DLG2: variants seen among roughly 807,000 people sequenced by gnomAD.
DLG2 encodes discs large MAGUK scaffold protein 2, also known as disks large homolog 2.
Under a neutral mutation model 132.5 loss-of-function variants are expected in DLG2, and 45 were observed. The ratio of observed to expected loss-of-function variants is 0.34; its 90% CI spans 0.27 to 0.44. DLG2 has a LOEUF of 0.44. Ranked by LOEUF, DLG2 falls within the 20% of genes least tolerant of loss-of-function variation. The pLI is 1.00. For synonymous variants in DLG2, 424 were observed against 419.6 expected, an observed-to-expected ratio of 1.01 and a Z score of -0.13; for missense variants, 1,045 against 1,196.9, an observed-to-expected ratio of 0.87 and a Z score of 1.87.
At chr11:85,593,801 GT>G (rs990487589) in intron 3 of DLG2, among the ~76,000 whole-genome samples, 3 of 151,594 alleles carry the variant, frequency 2.0e-5, no homozygotes, top group Non-Finnish European at 2.9e-5. Flanking sequence ...AATATGTAGG[GT>G]TTTTTTTACT....
intron 3 of DLG2, among the ~76,000 whole-genome samples, chr11:85,288,300 GTA>G (rs1354542364): frequency 1.3e-5 from 2 of 151,992 alleles, no homozygotes; most frequent in Non-Finnish European, 2.9e-5. Context: ...TAGCAATAAA[GTA>G]ACTGTGAGGT....
rs138811638 is a variant in DLG2, at chr11:83,856,236, G to C, written c.1565+18184C>G. ...CATTTTCTTTATCCAGTCTATCATT[G>C]ATGGGCATTTAGGTTGATTCCATGT... is the stretch of plus-strand genomic sequence containing the variant. On this transcript the variant is annotated intron_variant, in intron 16 of 27. Transcript: ENST00000376104. 2.8e-3 allele frequency among the ~76,000 whole-genome samples: 429 copies of C among 152,090 alleles called. 5 individuals carry two copies. Among genetic ancestry groups the C allele is most frequent in the African/African-American group, 1.0e-2 (413 of 41,472 alleles).
intron 7 of DLG2, among the ~76,000 whole-genome samples, chr11:84,339,450 C>T (rs1216304067): frequency 6.6e-6 from 1 of 152,150 alleles, no homozygotes; most frequent in East Asian, 1.9e-4. Context: ...GGATATTCAA[C>T]AAATGCTTAT....
At chr11:85,147,084 C>T (rs930424551) in intron 5 of DLG2, among the ~76,000 whole-genome samples, 2 of 152,178 alleles carry the variant, frequency 1.3e-5, no homozygotes, top group Non-Finnish European at 2.9e-5. Flanking sequence ...TACATGCCAT[C>T]GGTTGGGGAA....
intron 6 of DLG2, among the ~76,000 whole-genome samples, chr11:84,924,783 G>A (rs909747194): frequency 2.0e-5 from 3 of 152,040 alleles, no homozygotes; most frequent in East Asian, 1.9e-4. Context: ...TTCCAGTTCC[G>A]TCTGTCTTAG....
At chr11:83,670,547 T>G (rs2076662283) in intron 18 of DLG2, among the ~76,000 whole-genome samples, 2 of 152,190 alleles carry the variant, frequency 1.3e-5, no homozygotes, top group East Asian at 1.9e-4. Context: ...CAAGCACATA[T>G]TCATGAAATT....
chr11:83,811,665 G>A (rs1340038372), intron 17 of DLG2, among the ~76,000 whole-genome samples: 1 of 152,066 alleles, frequency 6.6e-6, no homozygotes, highest in African/African-American at 2.4e-5. Context: ...TTAAATTTGA[G>A]TTAAATGTTG....
At chr11:85,264,125 C>T (rs2077084259) in intron 4 of DLG2, among the ~76,000 whole-genome samples, 1 of 152,078 alleles carries the variant, frequency 6.6e-6, no homozygotes, top group Admixed American at 6.6e-5. Flanking sequence ...AATTGTTCTC[C>T]CCCACCTGCT....
chr11:83,563,509 C>T (rs542124237), intron 19 of DLG2, among the ~76,000 whole-genome samples: 23 of 152,280 alleles, frequency 1.5e-4, no homozygotes, highest in African/African-American at 5.5e-4. Context: ...CTAAAAGTTG[C>T]AGAAGTAAAT....
At chr11:84,710,934 T>A (rs913584131) in intron 6 of DLG2, among the ~76,000 whole-genome samples, 1 of 150,102 alleles carries the variant, frequency 6.7e-6, no homozygotes, top group Non-Finnish European at 1.5e-5. Flanking sequence ...ATGGAAAAAA[T>A]ATTACTGTGT....
intron 20 of DLG2, among the ~76,000 whole-genome samples, chr11:83,538,558 G>C (rs1440113980): frequency 6.6e-6 from 1 of 152,170 alleles, no homozygotes; most frequent in Non-Finnish European, 1.5e-5. Flanking sequence ...TGCTATCAAA[G>C]AGACTGGTGT....
At chr11:84,982,413 A>G (rs983307375) in intron 6 of DLG2, among the ~76,000 whole-genome samples, 1 of 151,944 alleles carries the variant, frequency 6.6e-6, no homozygotes, top group African/African-American at 2.4e-5. Context: ...TAAACCAAAA[A>G]CCTATGAGTC....
At chr11:83,613,109 G>A (rs1356744384) in intron 19 of DLG2, among the ~76,000 whole-genome samples, 1 of 152,192 alleles carries the variant, frequency 6.6e-6, no homozygotes, top group African/African-American at 2.4e-5. Context: ...CCTAAGTCAG[G>A]GGAGTGGCAT....
intron 11 of DLG2, among the ~76,000 whole-genome samples, chr11:84,051,538 A>G (rs1400823446): frequency 2.7e-5 from 4 of 148,318 alleles, no homozygotes; most frequent in Non-Finnish European, 5.9e-5. Flanking sequence ...AATACCAAAC[A>G]CTGCATGTTC....
intron 6 of DLG2, among the ~76,000 whole-genome samples, chr11:84,581,025 C>G (rs184622330): frequency 6.6e-6 from 1 of 152,124 alleles, no homozygotes; most frequent in Non-Finnish European, 1.5e-5. Flanking sequence ...GAGAGAAGCA[C>G]GAAAAAGCCA....
chr11:83,885,240 A>G (rs562565056), intron 15 of DLG2, among the ~76,000 whole-genome samples: 2 of 152,362 alleles, frequency 1.3e-5, no homozygotes, highest in Admixed American at 6.5e-5. Context: ...ACCAATACAG[A>G]GAAGTGCTTA....
chr11:83,784,135 C>T (rs1427920862), intron 18 of DLG2, among the ~76,000 whole-genome samples: 1 of 152,156 alleles, frequency 6.6e-6, no homozygotes, highest in Non-Finnish European at 1.5e-5. Context: ...CCAATAAAAT[C>T]ATCTGCCAGC....
At chr11:83,777,493 T>C (rs2094629086) in intron 18 of DLG2, among the ~76,000 whole-genome samples, 1 of 152,228 alleles carries the variant, frequency 6.6e-6, no homozygotes, top group Non-Finnish European at 1.5e-5. Flanking sequence ...AATTGATTTT[T>C]TACATTACTT....
chr11:85,554,090 G>C (rs900075796), intron 3 of DLG2, among the ~76,000 whole-genome samples: 13 of 150,900 alleles, frequency 8.6e-5, no homozygotes, highest in Non-Finnish European at 1.2e-4. Context: ...TTCTATCCAA[G>C]ATCTCAACTC....
Sources: gnomAD v4.1 joint callset for allele counts (sites outside exome capture counted in the v4.1 genomes callset) on GRCh38, gnomAD v4.1.1 for gene constraint, MANE v1.5 for transcripts, NCBI Gene and HGNC (gene_info 2026-07-23, HGNC 2026-07-21) for gene names.